Variants in TRAF3IP1 observed in about 807,000 individuals in gnomAD.
TRAF3IP1 encodes intraflagellar transport 54, also known as TRAF3-interacting protein 1.
In TRAF3IP1, 53 loss-of-function variants were observed where a neutral mutation model predicts 89.9. The observed-to-expected ratio is 0.59, with a 90% CI of 0.47 to 0.74. The LOEUF (loss-of-function observed/expected upper bound fraction) is 0.74. TRAF3IP1 is among the 30% of genes least tolerant of loss of function. The pLI, the probability that TRAF3IP1 is intolerant of heterozygous loss-of-function variation, is 0.00. For missense variants in TRAF3IP1, 806 were observed against 866.1 expected (o/e 0.93, Z 0.87); for synonymous variants, 311 against 322.1 (o/e 0.97, Z 0.37).
chr2:238,396,888 G>C (rs540335603), intron 15 of TRAF3IP1, among the ~76,000 whole-genome samples: 2 of 152,164 alleles, frequency 1.3e-5, no homozygotes, highest in African/African-American at 4.8e-5. Flanking sequence ...GCTGCTGGCT[G>C]CTGCTGGCTG....
chr2:238,325,217 G>C (rs1697761867), intron 1 of TRAF3IP1, 89 bp from the exon 2 acceptor site: 3 of 1,264,864 alleles, frequency 2.4e-6, no homozygotes, highest in Middle Eastern at 1.9e-4. Context: ...AGTCAATTCT[G>C]ACATCTCCCA....
At chr2:238,355,491 G>T (rs750188079) in intron 14 of TRAF3IP1, among the ~76,000 whole-genome samples, 10 of 152,208 alleles carry the variant, frequency 6.6e-5, no homozygotes, top group Non-Finnish European at 1.3e-4. Flanking sequence ...TAGCCACGTC[G>T]TCCTCCACCG....
At chr2:238,386,389 T>C (rs1700774635) in intron 15 of TRAF3IP1, among the ~76,000 whole-genome samples, 2 of 152,350 alleles carry the variant, frequency 1.3e-5, no homozygotes, top group East Asian at 3.9e-4. Context: ...TTTGGCTCAC[T>C]GCAACCTCCG....
At chr2:238,370,176 C>T (rs186593578) in intron 15 of TRAF3IP1, among the ~76,000 whole-genome samples, 26 of 151,892 alleles carry the variant, frequency 1.7e-4, no homozygotes, top group East Asian at 7.7e-4. Flanking sequence ...GTTATATATG[C>T]GTGTGTGCAT....
chr2:238,388,436 A>G (rs1045402757), intron 15 of TRAF3IP1, among the ~76,000 whole-genome samples: 6 of 151,500 alleles, frequency 4.0e-5, no homozygotes, highest in African/African-American at 1.5e-4. Context: ...CAAGGGATCC[A>G]ACTTGACCTA....
intron 15 of TRAF3IP1, among the ~76,000 whole-genome samples, chr2:238,364,156 T>A (rs937727081): frequency 6.6e-6 from 1 of 152,174 alleles, no homozygotes; most frequent in Non-Finnish European, 1.5e-5. Context: ...TACTTTTTAT[T>A]TTTTTGGAGG....
At chr2:238,321,830 C>T (rs1300649401) in intron 1 of TRAF3IP1, among the ~76,000 whole-genome samples, 3 of 152,032 alleles carry the variant, frequency 2.0e-5, no homozygotes, top group African/African-American at 7.2e-5. Flanking sequence ...ATGACCTCAC[C>T]TGGTGATGGT....
chr2:238,337,285 G>A (rs1698430032), intron 7 of TRAF3IP1, among the ~76,000 whole-genome samples: 1 of 152,226 alleles, frequency 6.6e-6, no homozygotes. Context: ...CCTCTCTGAG[G>A]GAGGACATCT....
intron 5 of TRAF3IP1, among the ~76,000 whole-genome samples, chr2:238,330,587 G>A (rs1339163087): frequency 6.6e-6 from 1 of 152,172 alleles, no homozygotes; most frequent in Non-Finnish European, 1.5e-5. Context: ...TCTTCCTCCC[G>A]GGACAGCCAT....
At chr2:238,355,216 G>A (rs914689654) in intron 14 of TRAF3IP1, among the ~76,000 whole-genome samples, 2 of 152,072 alleles carry the variant, frequency 1.3e-5, no homozygotes, top group Non-Finnish European at 2.9e-5. Flanking sequence ...GCTTTGACCC[G>A]TCTTCTCTAC....
intron 15 of TRAF3IP1, among the ~76,000 whole-genome samples, chr2:238,370,417 T>G (rs1218863453): frequency 6.6e-6 from 1 of 152,168 alleles, no homozygotes; most frequent in African/African-American, 2.4e-5. Flanking sequence ...TGCATGGCTA[T>G]GTCTGTGATA....
At chr2:238,392,150 C>T (rs1400183519) in intron 15 of TRAF3IP1, among the ~76,000 whole-genome samples, 3 of 152,018 alleles carry the variant, frequency 2.0e-5, no homozygotes, top group Non-Finnish European at 4.4e-5. Flanking sequence ...GCAGGAGAAT[C>T]GCTTGAGCCC....
chr2:238,386,442 A>G (rs1042999370), intron 15 of TRAF3IP1, among the ~76,000 whole-genome samples: 1 of 152,108 alleles, frequency 6.6e-6, no homozygotes, highest in Non-Finnish European at 1.5e-5. Context: ...CCTCCCAAGT[A>G]GCTGGGACTA....
chr2:238,337,409 C>T (rs1456965173), intron 7 of TRAF3IP1, among the ~76,000 whole-genome samples: 1 of 152,160 alleles, frequency 6.6e-6, no homozygotes, highest in Non-Finnish European at 1.5e-5. Context: ...GGGCCTGGAG[C>T]TGCTGGTCCC....
intron 15 of TRAF3IP1, among the ~76,000 whole-genome samples, chr2:238,364,762 G>C (rs959663592): frequency 1.3e-5 from 2 of 151,592 alleles, no homozygotes; most frequent in Non-Finnish European, 2.9e-5. Flanking sequence ...TTAAGGTTTT[G>C]TGACTGCTCT....
At chr2:238,395,021 G>T (rs1473970397) in intron 15 of TRAF3IP1, among the ~76,000 whole-genome samples, 1 of 152,164 alleles carries the variant, frequency 6.6e-6, no homozygotes, top group Non-Finnish European at 1.5e-5. Context: ...GCAAGGAAGG[G>T]CCCCTTACCG....
In TRAF3IP1 at chr2:238,334,096, T is replaced by C. The variant is rs2241851; in HGVS notation, c.1063+61T>C. 3.5e-3 allele frequency: 4,233 copies of C among 1,218,348 alleles called. 126 individuals are homozygous for C. In the East Asian group the frequency reaches 0.064, roughly 19 times the overall value. 75.5% of individuals were successfully genotyped at this position (1,218,348 alleles called of 1,614,324 possible). A position where few individuals can be genotyped will look rare whatever the true frequency, so the allele number is the denominator to read the frequency against. On this transcript the variant is annotated intron_variant, in intron 7 of 16. Transcript: ENST00000373327. ...GATATTAGTTTTTTTTTTTTTTGTC[T>C]TAATCTCAATGTCTAGTAGGAAAGA... is the stretch of plus-strand genomic sequence containing the variant.
Position 238,350,506 on chromosome 2 carries a change from C to T in TRAF3IP1, c.1451+1098C>T, listed in dbSNP as rs559984742. Among the ~76,000 whole-genome samples, 6 of 152,114 alleles carry T rather than the reference C, an allele frequency of 3.9e-5. No individual in the cohort carries two copies. In the East Asian group the frequency reaches 9.7e-4, roughly 25 times the overall value. ...AGGGGCTGGGTGAAGTCGCTGTGCA[C>T]GAGAGTGGGCTAGTGAAGAGACTGG... is the stretch of plus-strand genomic sequence containing the variant. On this transcript the variant is annotated intron_variant, in intron 12 of 16. Transcript: ENST00000373327.
At chr2:238,367,163 C>CAAAAAAAAAAAAAAAAAAAAAAAAA (rs33964253) in intron 15 of TRAF3IP1, among the ~76,000 whole-genome samples, 1 of 36,146 alleles carries the variant, frequency 2.8e-5, no homozygotes, top group Non-Finnish European at 4.3e-5. Flanking sequence ...GACTCTGTCT[C>CAAAAAAAAAAAAAAAAAAAAAAAAA]AAAAAAAAAA....
Sources: gnomAD v4.1 joint callset for allele counts (sites outside exome capture counted in the v4.1 genomes callset) on GRCh38, gnomAD v4.1.1 for gene constraint, MANE v1.5 for transcripts, NCBI Gene and HGNC (gene_info 2026-07-23, HGNC 2026-07-21) for gene names.